Variants in SYNPR observed in about 807,000 individuals in gnomAD.
SYNPR encodes the protein synaptoporin.
Under a neutral mutation model 32.9 loss-of-function variants are expected in SYNPR, and 23 were observed. The observed-to-expected ratio is 0.70, with a 90% CI of 0.50 to 0.99. The LOEUF (loss-of-function observed/expected upper bound fraction) is 0.99. SYNPR is among the 50% of genes least tolerant of loss of function. SYNPR has a pLI of 0.00. For synonymous variants in SYNPR, 146 were observed against 135.9 expected (o/e 1.07, Z -0.52); for missense variants, 318 against 349.3 (o/e 0.91, Z 0.71).
intron 1 of SYNPR, among the ~76,000 whole-genome samples, chr3:63,248,588 C>G (rs141203240): frequency 6.6e-6 from 1 of 152,074 alleles, no homozygotes; most frequent in Non-Finnish European, 1.5e-5. Flanking sequence ...GTAATCAGTA[C>G]TCATTTGTTC....
rs80302314 is a variant in SYNPR at position 63,581,659 on chromosome 3, T to C, written c.408+24918T>C. Among the ~76,000 whole-genome samples the C allele has an allele frequency of 3.5e-3, 535 of 152,214 alleles. 4 individuals are homozygous for C. Among genetic ancestry groups the C allele is most frequent in the African/African-American group, 0.012 (506 of 41,564 alleles). Reference sequence around the variant, plus strand: ...GAAGCAATTCCAGTGTTCAAAGATATGTATTTTTGTACAACACGGTCCTAA... The same window carrying C: ...GAAGCAATTCCAGTGTTCAAAGATACGTATTTTTGTACAACACGGTCCTAA... On this transcript the variant is annotated intron_variant, in intron 4 of 5. Transcript: ENST00000478300.
At chr3:63,389,394 G>A (rs79319071) in intron 2 of SYNPR, among the ~76,000 whole-genome samples, 32 of 152,298 alleles carry the variant, frequency 2.1e-4, no homozygotes, top group Non-Finnish European at 4.6e-4. Flanking sequence ...TTCTCAGGCA[G>A]GCTCTCCCAA....
At chr3:63,611,556 C>A (rs536774507) in intron 5 of SYNPR, among the ~76,000 whole-genome samples, 2 of 152,322 alleles carry the variant, frequency 1.3e-5, no homozygotes, top group East Asian at 3.9e-4. Context: ...ACCCAACAGC[C>A]AAGAACTGGA....
intron 2 of SYNPR, among the ~76,000 whole-genome samples, chr3:63,285,847 A>G (rs2086675205): frequency 6.6e-6 from 1 of 152,218 alleles, no homozygotes; most frequent in Non-Finnish European, 1.5e-5. Flanking sequence ...AAGTGATGCT[A>G]TCATGATTTA....
chr3:63,226,465 C>A (rs915513829), upstream of SYNPR, among the ~76,000 whole-genome samples: 1 of 152,052 alleles, frequency 6.6e-6, no homozygotes. Context: ...GGTCCATCAA[C>A]AGACCAATGA....
At chr3:63,461,960 C>T (rs149384604) in intron 2 of SYNPR, among the ~76,000 whole-genome samples, 23 of 152,062 alleles carry the variant, frequency 1.5e-4, no homozygotes, top group African/African-American at 5.5e-4. Flanking sequence ...TTAATAATTA[C>T]CAAAGAGTGA....
chr3:63,580,879 A>T (rs764956690), intron 4 of SYNPR, among the ~76,000 whole-genome samples: 1 of 152,186 alleles, frequency 6.6e-6, no homozygotes, highest in Non-Finnish European at 1.5e-5. Flanking sequence ...CAGGCATATA[A>T]TGAATGTTTC....
At chr3:63,253,542 T>G (rs2086355810) in intron 2 of SYNPR, among the ~76,000 whole-genome samples, 2 of 152,172 alleles carry the variant, frequency 1.3e-5, no homozygotes, top group Admixed American at 1.3e-4. Context: ...GTATAAGATT[T>G]TTAAATAAAA....
At chr3:63,384,034 T>C (rs1016592826) in intron 2 of SYNPR, among the ~76,000 whole-genome samples, 2 of 152,254 alleles carry the variant, frequency 1.3e-5, no homozygotes, top group African/African-American at 2.4e-5. Context: ...ATGACATCTC[T>C]GTATCAATAT....
chr3:63,315,833 G>A (rs2087035016), intron 2 of SYNPR, among the ~76,000 whole-genome samples: 1 of 151,862 alleles, frequency 6.6e-6, no homozygotes. Context: ...CAGAGGGAAC[G>A]CTTTTAACTT....
intron 2 of SYNPR, among the ~76,000 whole-genome samples, chr3:63,432,617 G>A (rs765444683): frequency 6.6e-6 from 1 of 152,132 alleles, no homozygotes; most frequent in African/African-American, 2.4e-5. Context: ...TCTTGTTCTG[G>A]TGTGTGGCAG....
At chr3:63,506,688 C>T (rs961761969) in intron 3 of SYNPR, among the ~76,000 whole-genome samples, 22 of 152,132 alleles carry the variant, frequency 1.4e-4, no homozygotes, top group African/African-American at 5.1e-4. Context: ...TAACGTCACA[C>T]AATTAGTTTT....
intron 2 of SYNPR, among the ~76,000 whole-genome samples, chr3:63,370,275 G>T (rs1296528323): frequency 6.6e-6 from 1 of 152,126 alleles, no homozygotes; most frequent in Non-Finnish European, 1.5e-5. Flanking sequence ...GCTAGCCCAA[G>T]ATGGGAACAA....
intron 1 of SYNPR, among the ~76,000 whole-genome samples, chr3:63,237,888 T>C (rs1204560976): frequency 1.3e-5 from 2 of 151,946 alleles, no homozygotes; most frequent in African/African-American, 2.4e-5. Flanking sequence ...TCTGGGAGGG[T>C]TGGAGCATCT....
In SYNPR at chr3:63,482,749, A is replaced by C. The variant is rs76303230; in HGVS notation, c.209+1793A>C. 9.7e-3 allele frequency among the ~76,000 whole-genome samples: 1,480 copies of C among 152,266 alleles called. 26 individuals carry two copies. The highest frequency in any genetic ancestry group is 0.033 in the African/African-American group (1,390 of 41,546). ...GGAGATATACACACCATTCCAAAAC[A>C]GCTTAATTTACTAGGGTTGCAATTT... On this transcript the variant is annotated intron_variant, in intron 3 of 5. Coordinates refer to ENST00000478300, the MANE Select transcript of SYNPR (RefSeq NM_001130003.2).
intron 2 of SYNPR, among the ~76,000 whole-genome samples, chr3:63,289,652 C>T (rs373988987): frequency 1.3e-5 from 2 of 152,228 alleles, no homozygotes; most frequent in African/African-American, 4.8e-5. Flanking sequence ...TTGGGCCCCA[C>T]CTCCTAAATT....
At chr3:63,283,733 A>G (rs1207196602) in intron 2 of SYNPR, among the ~76,000 whole-genome samples, 1 of 151,496 alleles carries the variant, frequency 6.6e-6, no homozygotes, top group African/African-American at 2.4e-5. Context: ...AAATGGCAAA[A>G]TGTACATATT....
chr3:63,323,563 GT>G (rs2087133898), intron 2 of SYNPR, among the ~76,000 whole-genome samples: 1 of 151,802 alleles, frequency 6.6e-6, no homozygotes, highest in South Asian at 2.1e-4. Context: ...TTTTGGCATT[GT>G]TTTTTGCTGA....
chr3:63,330,869 C>T (rs755272620), intron 2 of SYNPR, among the ~76,000 whole-genome samples: 54 of 152,222 alleles, frequency 3.5e-4, no homozygotes, highest in African/African-American at 9.9e-4. Context: ...TGATCCACCT[C>T]ATTATAGAAT....
Sources: gnomAD v4.1 joint callset for allele counts (sites outside exome capture counted in the v4.1 genomes callset) on GRCh38, gnomAD v4.1.1 for gene constraint, MANE v1.5 for transcripts, NCBI Gene and HGNC (gene_info 2026-07-23, HGNC 2026-07-21) for gene names.